GRIP1: variants seen among roughly 807,000 people sequenced by gnomAD.
The protein encoded by GRIP1 is glutamate receptor-interacting protein 1.
A neutral mutation model predicts 129.9 loss-of-function variants in GRIP1; 45 were observed. The ratio of observed to expected loss-of-function variants is 0.35; its 90% confidence interval spans 0.27 to 0.44. GRIP1 has a LOEUF of 0.44. GRIP1 is among the 20% of genes least tolerant of loss of function. The pLI is 1.00. For synonymous variants in GRIP1, 530 were observed against 520.8 expected (o/e 1.02, Z -0.24); for missense variants, 1,196 against 1,396.8 (o/e 0.86, Z 2.29).
chr12:66,950,899 T>C (rs1237961933), intron 1 of GRIP1, among the ~76,000 whole-genome samples: 1 of 152,206 alleles, frequency 6.6e-6, no homozygotes, highest in South Asian at 2.1e-4. Flanking sequence ...CTGAAGAAAG[T>C]GCTATGATGT....
Position 66,564,942 on chromosome 12 carries a change from T to A in GRIP1, c.137-22992A>T, listed in dbSNP as rs141057192. 6.2e-4 allele frequency among the ~76,000 whole-genome samples: 95 copies of A among 152,384 alleles called. 1 individual carries two copies. The East Asian group carries it at 0.018, about 29-fold the overall frequency. On this transcript the variant is annotated intron_variant, in intron 2 of 24. Transcript: ENST00000359742. Reference sequence around the variant, plus strand: ...AATGTCTTCTTTTGAGAAGTGTCTGTTCACACCCTTCACCCACTTTTTGAT... The same window carrying A: ...AATGTCTTCTTTTGAGAAGTGTCTGATCACACCCTTCACCCACTTTTTGAT...
At chr12:66,821,915 C>T (rs2039326699) in intron 1 of GRIP1, among the ~76,000 whole-genome samples, 1 of 152,118 alleles carries the variant, frequency 6.6e-6, no homozygotes, top group South Asian at 2.1e-4. Context: ...TGGCCGACTA[C>T]ATTATCTCAG....
intron 1 of GRIP1, among the ~76,000 whole-genome samples, chr12:66,652,203 T>G (rs2032842745): frequency 6.6e-6 from 1 of 152,162 alleles, no homozygotes; most frequent in Admixed American, 6.5e-5. Flanking sequence ...GTAACCCCTA[T>G]AATCCCCACA....
At chr12:67,049,283 C>T (rs1474816356) in intron 1 of GRIP1, among the ~76,000 whole-genome samples, 1 of 152,184 alleles carries the variant, frequency 6.6e-6, no homozygotes, top group East Asian at 1.9e-4. Flanking sequence ...AAACCATAGA[C>T]TTTGAGGACA....
chr12:66,462,393 C>A (rs1413228192), intron 9 of GRIP1, among the ~76,000 whole-genome samples: 1 of 152,236 alleles, frequency 6.6e-6, no homozygotes, highest in East Asian at 1.9e-4. Context: ...GCTGGAAATT[C>A]AAAATGTATA....
At chr12:66,723,304 CTTTTTTTTTTTTTTTT>C (rs57938064) in intron 1 of GRIP1, among the ~76,000 whole-genome samples, 3 of 58,412 alleles carry the variant, frequency 5.1e-5, no homozygotes, top group African/African-American at 1.7e-4. Context: ...TTCTTTCTTT[CTTTTTTTTTTTTTTTT>C]TTTTTTTTTT....
At chr12:66,750,771 A>G (rs2037101168) in intron 1 of GRIP1, among the ~76,000 whole-genome samples, 1 of 152,252 alleles carries the variant, frequency 6.6e-6, no homozygotes, top group Non-Finnish European at 1.5e-5. Context: ...ACAGATTTAA[A>G]TGATACATTC....
At chr12:66,564,949 C>A (rs1376287800) in intron 2 of GRIP1, among the ~76,000 whole-genome samples, 2 of 152,154 alleles carry the variant, frequency 1.3e-5, no homozygotes, top group African/African-American at 4.8e-5. Flanking sequence ...CTGTTCACAC[C>A]CTTCACCCAC....
intron 22 of GRIP1, 156 bp from the exon 23 acceptor site, chr12:66,372,083 G>A: frequency 1.5e-6 from 1 of 666,682 alleles, no homozygotes; most frequent in Admixed American, 2.2e-5. Context: ...ATTGAACTAT[G>A]AAAGTCTGGA....
chr12:66,905,150 C>T (rs1188202835), intron 1 of GRIP1, among the ~76,000 whole-genome samples: 2 of 152,154 alleles, frequency 1.3e-5, no homozygotes, highest in Non-Finnish European at 2.9e-5. Context: ...AATATATAAA[C>T]AAATGGAGGC....
chr12:66,637,447 G>A (rs765873750), intron 1 of GRIP1, among the ~76,000 whole-genome samples: 1 of 151,668 alleles, frequency 6.6e-6, no homozygotes. Flanking sequence ...TACACATCTA[G>A]TATACATAGT....
chr12:66,420,295 T>C (rs2057759188), intron 15 of GRIP1, among the ~76,000 whole-genome samples: 1 of 152,184 alleles, frequency 6.6e-6, no homozygotes, highest in African/African-American at 2.4e-5. Context: ...ATAGGTGACA[T>C]GAACATTTTA....
intron 7 of GRIP1, among the ~76,000 whole-genome samples, chr12:66,494,871 A>G (rs138908113): frequency 1.3e-5 from 2 of 152,320 alleles, no homozygotes; most frequent in African/African-American, 4.8e-5. Context: ...ACAGAGCAGG[A>G]AGGAAAGAAG....
intron 1 of GRIP1, among the ~76,000 whole-genome samples, chr12:66,611,405 T>G (rs886370310): frequency 6.6e-6 from 1 of 152,164 alleles, no homozygotes; most frequent in Non-Finnish European, 1.5e-5. Flanking sequence ...GATGTTAAAT[T>G]TAGTGGAGAA....
intron 2 of GRIP1, among the ~76,000 whole-genome samples, chr12:66,572,338 A>C (rs2062991692): frequency 6.6e-6 from 1 of 152,188 alleles, no homozygotes; most frequent in South Asian, 2.1e-4. Flanking sequence ...AGACACTGAA[A>C]AAGTAAACAG....
At chr12:66,366,982 C>T (rs1346674432) in intron 23 of GRIP1, among the ~76,000 whole-genome samples, 1 of 152,146 alleles carries the variant, frequency 6.6e-6, no homozygotes, top group African/African-American at 2.4e-5. Flanking sequence ...CTGTGCCCAG[C>T]CTCAATATGA....
upstream of GRIP1, among the ~76,000 whole-genome samples, chr12:66,681,147 A>G (rs2034568239): frequency 6.6e-6 from 1 of 152,096 alleles, no homozygotes; most frequent in African/African-American, 2.4e-5. Flanking sequence ...GCCAATCCAT[A>G]TCTATCCTAT....
intron 1 of GRIP1, among the ~76,000 whole-genome samples, chr12:66,836,346 A>G (rs1195154428): frequency 2.6e-5 from 4 of 152,088 alleles, no homozygotes; most frequent in Non-Finnish European, 5.9e-5. Flanking sequence ...TGGCTCCCAT[A>G]CTTCCCGGGC....
intron 1 of GRIP1, among the ~76,000 whole-genome samples, chr12:67,024,660 C>T (rs1454428512): frequency 6.6e-6 from 1 of 152,200 alleles, no homozygotes; most frequent in East Asian, 1.9e-4. Context: ...AAAAGTATTA[C>T]GACCGTGATC....
Sources: gnomAD v4.1 joint callset for allele counts (sites outside exome capture counted in the v4.1 genomes callset) on GRCh38, gnomAD v4.1.1 for gene constraint, MANE v1.5 for transcripts, NCBI Gene and HGNC (gene_info 2026-07-23, HGNC 2026-07-21) for gene names.